Variants in AHNAK2 observed in about 807,000 individuals in gnomAD.
AHNAK2 encodes the protein AHNAK nucleoprotein 2, also known as protein AHNAK2.
A neutral mutation model predicts 30.7 loss-of-function variants in AHNAK2; 18 were observed. That is an observed-to-expected ratio of 0.59 (90% CI 0.41 to 0.87). AHNAK2 has a LOEUF of 0.87. AHNAK2 is among the 40% of genes least tolerant of loss of function. The pLI, the probability that AHNAK2 is intolerant of heterozygous loss-of-function variation, is 0.00. For synonymous variants in AHNAK2, 3,590 were observed against 3,073.8 expected, an observed-to-expected ratio of 1.17 and a Z score of -5.56; for missense variants, 8,604 against 7,373.0, an observed-to-expected ratio of 1.17 and a Z score of -6.11.
chr14:104,938,524 C>T lies in AHNAK2; in HGVS notation c.16927G>A (p.Gly5643Ser), dbSNP rs1304316700. The T allele has an allele frequency of 1.9e-6, 3 of 1,613,456 alleles. 1 individual carries two copies. In the South Asian group the frequency reaches 3.3e-5, roughly 18 times the overall value. Residue 5643 changes from glycine to serine, a missense_variant, in exon 7 of 7, where the codon GGT becomes AGT. Transcript: ENST00000333244. ...TTTGGAAGCCAAAACCAGAGCAGAC[C>T]AGATTTTTTACTTTCTGGTTTGTCT... ...PKDKPESKKSGLLWFWLPNIG... is the reference protein window; with the variant it reads ...PKDKPESKKSSLLWFWLPNIG...
At chr14:104,956,566 C>T in intron 4 of AHNAK2, 22 bp downstream of exon 4, 2 of 1,612,270 alleles carry the variant, frequency 1.2e-6, no homozygotes, top group Non-Finnish European at 1.7e-6. Context: ...CCTCTGTGAC[C>T]CTCAGCTCCT....
Position 104,952,596 on chromosome 14 carries a change from A to G in AHNAK2, c.2855T>C (p.Val952Ala). The change falls in exon 7 of 7, where the codon GTG (valine) becomes GCG (alanine). Residue 952 changes from valine to alanine, a missense_variant. By Grantham distance (64) the Val-to-Ala change is moderately conservative (BLOSUM62 0). Transcript: ENST00000333244. ...KLDLKGPKAE[V>A]TAPDGEVSLP... is the part of the protein sequence containing the mutation. ...AGACACCTCGCCATCGGGGGCTGTC[A>G]CTTCCGCCTTGGGGCCTTTCAGGTC... 2.5e-6 allele frequency: 4 copies of G among 1,612,718 alleles called. No individual in the cohort carries two copies. The highest frequency in any genetic ancestry group is 3.4e-6 in the Non-Finnish European group (4 of 1,179,620).
Position 104,944,162 on chromosome 14 carries a change from C to G in AHNAK2, c.11289G>C (p.Glu3763Asp). Residue 3763 changes from glutamate to aspartate, a missense_variant, in exon 7 of 7, where the codon GAG becomes GAC. Glu to Asp is a conservative substitution (Grantham distance 45). Coordinates refer to ENST00000333244, the MANE Select transcript of AHNAK2 (RefSeq NM_138420.4). ...SKAEVTAPDV[E>D]VSLPSVEVDV... The stretch of plus-strand genomic sequence containing the variant: ...CCACCTCCACGCTGGGCAGAGACAC[C>G]TCCACATCAGGGGCTGTGACTTCCG... 1 of 1,613,472 alleles carries G rather than the reference C, an allele frequency of 6.2e-7. No homozygotes were observed. The highest frequency in any genetic ancestry group is 8.5e-7 in the Non-Finnish European group (1 of 1,179,766).
At position 104,941,874 on chromosome 14, in the gene AHNAK2, T is replaced by G; in HGVS notation, c.13577A>C (p.Gln4526Pro). 6.2e-7 allele frequency: 1 copy of G among 1,613,538 alleles called. No individual in the cohort carries two copies. Among genetic ancestry groups the G allele is most frequent in the Non-Finnish European group, 8.5e-7 (1 of 1,179,662 alleles). ...PSADLEVQAG[Q>P]VDLKLPEGHM... The stretch of plus-strand genomic sequence containing the variant: ...GCCTTCTGGAAGTTTCAAGTCCACC[T>G]GGCCAGCCTGGACCTCCAGGTCGGC... The change falls in exon 7 of 7, where the codon CAG becomes CCG. Residue 4526 changes from glutamine (Q) to proline (P), a missense_variant. Physicochemically the swap from Gln to Pro is moderately conservative, Grantham distance 76. Transcript: ENST00000333244.
In AHNAK2 at chr14:104,954,123, G is replaced by A; in HGVS notation, c.1328C>T (p.Thr443Ile). 6.2e-7 allele frequency: 1 copy of A among 1,611,924 alleles called. No individual in the cohort carries two copies. Among genetic ancestry groups the A allele is most frequent in the Non-Finnish European group, 8.5e-7 (1 of 1,179,868 alleles). ...TTCACCCTCCCGGCTCATTCCAGGA[G>A]TTGGCTGGGCCCTGGGCTTCCTCTG... ...VAQRKPRAQP[T>I]PGMSREGEGE... The change falls in exon 7 of 7, where the codon ACT becomes ATT. Residue 443 changes from threonine (T) to isoleucine (I), a missense_variant. Coordinates refer to ENST00000333244, the MANE Select transcript of AHNAK2 (RefSeq NM_138420.4). The surrounding 1 kb of genome is among the most constrained non-coding windows in gnomAD (Gnocchi z 4.3).
At position 104,948,426 on chromosome 14, in the gene AHNAK2, T is replaced by C. The variant is rs764824786; in HGVS notation, c.7025A>G (p.Asp2342Gly). Residue 2342 changes from aspartate (D) to glycine (G), a missense_variant, in exon 7 of 7, where the codon GAT becomes GGT. By Grantham distance (94) the Asp-to-Gly change is moderately conservative (BLOSUM62 -1). Transcript: ENST00000333244. ...GGCCTCCACCTTCAACGCAGACACA[T>C]CCGCTGAGGCCTCGATGGACTTGCC... ...ALGKSIEASA[D>G]VSALKVEADV... 3.1e-6 allele frequency: 5 copies of C among 1,610,834 alleles called. No homozygotes were observed. In the Admixed American group the frequency reaches 5.0e-5, roughly 16 times the overall value.
rs144770227 is a variant in AHNAK2 at position 104,956,297 on chromosome 14, G to A, written c.315+291C>T. Among the ~76,000 whole-genome samples the A allele has an allele frequency of 1.6e-3, 247 of 152,212 alleles. 1 individual carries two copies. Among genetic ancestry groups the A allele is most frequent in the Middle Eastern group, 6.8e-3 (2 of 294 alleles). ...AGACACCAGCACTGCCCCATTGCAC[G>A]GAGGAGAAAATCGAGGTCTGTACAG... On this transcript the variant is annotated intron_variant, in intron 4 of 6. Coordinates refer to ENST00000333244, the MANE Select transcript of AHNAK2 (RefSeq NM_138420.4).
rs373194889 is a variant in AHNAK2 at position 104,949,898 on chromosome 14, C to T, written c.5553G>A (p.Pro1851=). Residue 1851 remains proline, a synonymous_variant, in exon 7 of 7, where the codon CCG becomes CCA. Transcript: ENST00000333244. Reference sequence around the variant, plus strand: ...GGAGGCTCACTTCGGCCTCCACCTTCGGCGCAGACACATCCACCGAGGCCT... The same window carrying T: ...GGAGGCTCACTTCGGCCTCCACCTTTGGCGCAGACACATCCACCGAGGCCT... ...SIEASVDVSA[P]KVEAEVSLPS... The T allele has an allele frequency of 8.9e-5, 141 of 1,582,942 alleles. 9 individuals are homozygous for T. Among genetic ancestry groups the T allele is most frequent in the East Asian group, 8.1e-4 (36 of 44,622 alleles).
Position 104,952,381 on chromosome 14 carries a change from A to T in AHNAK2, c.3070T>A (p.Ser1024Thr). 8.7e-6 allele frequency: 14 copies of T among 1,612,596 alleles called. No homozygotes were observed. Among genetic ancestry groups the T allele is most frequent in the Non-Finnish European group, 1.2e-5 (14 of 1,179,578 alleles). ...GKSIKALVDVSAPKVEADLSL... is the reference protein window; with the variant it reads ...GKSIKALVDVTAPKVEADLSL... ...AGGTCGGCCTCCACCTTGGGTGCAGACACATCCACCAAGGCCTTGATGGAC... is the reference window on the plus strand; with the variant it reads ...AGGTCGGCCTCCACCTTGGGTGCAGTCACATCCACCAAGGCCTTGATGGAC... The change falls in exon 7 of 7, where the codon TCT (serine) becomes ACT (threonine). Residue 1024 changes from serine to threonine, a missense_variant. Physicochemically the swap from Ser to Thr is moderately conservative, Grantham distance 58. Coordinates refer to ENST00000333244, the MANE Select transcript of AHNAK2 (RefSeq NM_138420.4).
In AHNAK2 at chr14:104,940,850, T is replaced by C; in HGVS notation, c.14601A>G (p.Lys4867=). Residue 4867 remains lysine (K), a synonymous_variant, in exon 7 of 7, where the codon AAA becomes AAG. Coordinates refer to ENST00000333244, the MANE Select transcript of AHNAK2 (RefSeq NM_138420.4). This position sits in a 1 kb window ranked among gnomAD's most constrained non-coding sequence, Gnocchi z 4.4. ...GGGGGACTGAAAACACAAACTTTGGTTTATAGAATTTAGGAAAAGATACCT... is the reference window on the plus strand; with the variant it reads ...GGGGGACTGAAAACACAAACTTTGGCTTATAGAATTTAGGAAAAGATACCT... ...LGQVSFPKFY[K]PKFVFSVPQM... The C allele has an allele frequency of 6.2e-7, 1 of 1,612,986 alleles. No homozygotes were observed. Among genetic ancestry groups the C allele is most frequent in the Non-Finnish European group, 8.5e-7 (1 of 1,179,814 alleles).
Position 104,947,405 on chromosome 14 carries a change from C to G in AHNAK2, c.8046G>C (p.Met2682Ile). The G allele has an allele frequency of 6.2e-7, 1 of 1,612,692 alleles. No individual in the cohort carries two copies. Among genetic ancestry groups the G allele is most frequent in the African/African-American group, 1.3e-5 (1 of 74,410 alleles). ...GGTCCCCTTGCATGGAGGGGAGGCT[C>G]ATGTCGGCTTCCACCTTCAGCTCAG... is the stretch of plus-strand genomic sequence containing the variant. Reference protein sequence around the residue: ...DVSELKVEADMSLPSMQGDLK... With the variant: ...DVSELKVEADISLPSMQGDLK... The change falls in exon 7 of 7, where the codon ATG (methionine) becomes ATC (isoleucine). Residue 2682 changes from methionine to isoleucine, a missense_variant. Transcript: ENST00000333244.
chr14:104,952,360 C>T lies in AHNAK2; in HGVS notation c.3091G>A (p.Asp1031Asn), dbSNP rs1381910994. 7 of 1,612,596 alleles carry T rather than the reference C, an allele frequency of 4.3e-6. No homozygotes were observed. Among genetic ancestry groups the T allele is most frequent in the Admixed American group, 1.7e-5 (1 of 59,910 alleles). Residue 1031 changes from aspartate (D) to asparagine (N), a missense_variant, in exon 7 of 7, where the codon GAC becomes AAC. Physicochemically the swap from Asp to Asn is conservative, Grantham distance 23 (BLOSUM62 1). Coordinates refer to ENST00000333244, the MANE Select transcript of AHNAK2 (RefSeq NM_138420.4). ...CCCTGCATGGAGGGGAGACTCAGGT[C>T]GGCCTCCACCTTGGGTGCAGACACA... ...VDVSAPKVEA[D>N]LSLPSMQGDL...
chr14:104,943,663 A>T lies in AHNAK2; in HGVS notation c.11788T>A (p.Ser3930Thr), dbSNP rs1898104373. Residue 3930 changes from serine to threonine, a missense_variant, in exon 7 of 7, where the codon TCT becomes ACT. Physicochemically the swap from Ser to Thr is moderately conservative, Grantham distance 58. Coordinates refer to ENST00000333244, the MANE Select transcript of AHNAK2 (RefSeq NM_138420.4). Reference protein sequence around the residue: ...VEVTAPDVEVSLPSVEVDVEA... With the variant: ...VEVTAPDVEVTLPSVEVDVEA... ...ACGTCCACCTCCACGCTGGGCAGAG[A>T]AACCTCCACATCAGGGGCTGTCACT... 6.2e-7 allele frequency: 1 copy of T among 1,612,716 alleles called. No homozygotes were observed. Among genetic ancestry groups the T allele is most frequent in the Admixed American group, 1.7e-5 (1 of 59,888 alleles).
chr14:104,948,191 C>A lies in AHNAK2; in HGVS notation c.7260G>T (p.Gln2420His), dbSNP rs201721288. ...KMPKVDLKGPQIDVKGPKLDL... is the reference protein window; with the variant it reads ...KMPKVDLKGPHIDVKGPKLDL... ...CCAGCTTGGGGCCCTTGACATCTATCTGGGGGCCCTTGAGATCTACTTTGG... is the reference window on the plus strand; with the variant it reads ...CCAGCTTGGGGCCCTTGACATCTATATGGGGGCCCTTGAGATCTACTTTGG... Residue 2420 changes from glutamine to histidine, a missense_variant, in exon 7 of 7, where the codon CAG becomes CAT. Coordinates refer to ENST00000333244, the MANE Select transcript of AHNAK2 (RefSeq NM_138420.4). 328 of 1,611,526 alleles carry A rather than the reference C, an allele frequency of 2.0e-4. 1 individual carries two copies. Among genetic ancestry groups the A allele is most frequent in the Admixed American group, 2.8e-4 (17 of 59,838 alleles).
At chr14:104,969,376 G>A (rs1190201170) in intron 1 of AHNAK2, among the ~76,000 whole-genome samples, 1 of 152,236 alleles carries the variant, frequency 6.6e-6, no homozygotes, top group Non-Finnish European at 1.5e-5. Context: ...GACATCCCCA[G>A]CCTCTCCAGC....
In AHNAK2 at chr14:104,944,167, C is replaced by T. The variant is rs1454564797; in HGVS notation, c.11284G>A (p.Val3762Met). The T allele has an allele frequency of 1.2e-6, 2 of 1,613,508 alleles. No individual in the cohort carries two copies. Among genetic ancestry groups the T allele is most frequent in the African/African-American group, 1.3e-5 (1 of 74,906 alleles). ...TCCACGCTGGGCAGAGACACCTCCA[C>T]ATCAGGGGCTGTGACTTCCGCCTTG... ...VSKAEVTAPDVEVSLPSVEVD... is the reference protein window; with the variant it reads ...VSKAEVTAPDMEVSLPSVEVD... The change falls in exon 7 of 7, where the codon GTG becomes ATG. Residue 3762 changes from valine (V) to methionine (M), a missense_variant. Val to Met is a conservative substitution (Grantham distance 21, BLOSUM62 1). Coordinates refer to ENST00000333244, the MANE Select transcript of AHNAK2 (RefSeq NM_138420.4).
chr14:104,969,957 C>A (rs1019951757), intron 1 of AHNAK2, among the ~76,000 whole-genome samples: 1 of 152,100 alleles, frequency 6.6e-6, no homozygotes, highest in Admixed American at 6.5e-5. Flanking sequence ...CCTTTGGAAG[C>A]AACCACCCTC....
At position 104,950,330 on chromosome 14, in the gene AHNAK2, G is replaced by T. The variant is rs551382448; in HGVS notation, c.5121C>A (p.Ser1707Arg). 4.4e-6 allele frequency: 7 copies of T among 1,585,384 alleles called. 2 individuals are homozygous for T. Among genetic ancestry groups the T allele is most frequent in the East Asian group, 2.3e-5 (1 of 44,352 alleles). The change falls in exon 7 of 7, where the codon AGC (serine) becomes AGA (arginine). Residue 1707 changes from serine to arginine, a missense_variant. Physicochemically the swap from Ser to Arg is moderately radical, Grantham distance 110. Coordinates refer to ENST00000333244, the MANE Select transcript of AHNAK2 (RefSeq NM_138420.4). The part of the protein sequence containing the change: ...MQGDLKTTDL[S>R]IQSPSADLEV... ...CCAGGTCGGCGGAAGGGGACTGAAT[G>T]CTGAGGTCAGTGGTCTTCAGGTCCC...
chr14:104,945,504 G>C lies in AHNAK2; in HGVS notation c.9947C>G (p.Pro3316Arg), dbSNP rs185803383. The C allele has an allele frequency of 6.6e-5, 107 of 1,612,862 alleles. 1 individual carries two copies. The highest frequency in any genetic ancestry group is 4.0e-4 in the South Asian group (36 of 90,990). The change falls in exon 7 of 7, where the codon CCG becomes CGG. Residue 3316 changes from proline (P) to arginine (R), a missense_variant. Physicochemically the swap from Pro to Arg is moderately radical, Grantham distance 103. Transcript: ENST00000333244. ...GCCTGGGGCAGACGCCCTGTACGAC[G>C]GCATCTTGAATTTGGGCATTTTGAA... ...SKFKMPKFKM[P>R]SYRASAPGKS...
Sources: allele counts gnomAD v4.1 joint callset (sites outside exome capture counted in the v4.1 genomes callset), GRCh38; gene constraint gnomAD v4.1.1; non-coding constraint Gnocchi (gnomAD v3.1); transcripts MANE v1.5; gene names NCBI Gene and HGNC (gene_info 2026-07-23, HGNC 2026-07-21).